RICTOR: variants seen among roughly 807,000 people sequenced by gnomAD.
RICTOR encodes the protein rapamycin-insensitive companion of mTOR.
RICTOR carries 49 observed loss-of-function variants against 214.9 expected under a neutral mutation model. The observed-to-expected ratio is 0.23, with a 90% CI of 0.18 to 0.29. The LOEUF is 0.29. RICTOR is among the 10% of genes least tolerant of loss of function. The probability of loss-of-function intolerance (pLI) is 1.00; values close to 1 mark genes in which losing one functional copy is unlikely to be tolerated. For synonymous variants in RICTOR, 717 were observed against 711.3 expected, an observed-to-expected ratio of 1.01 and a Z score of -0.13; for missense variants, 1,625 against 2,047.0, an observed-to-expected ratio of 0.79 and a Z score of 3.98.
intron 16 of RICTOR, among the ~76,000 whole-genome samples, chr5:38,964,466 TAAA>T (rs778242118): frequency 1.3e-5 from 2 of 151,292 alleles, no homozygotes; most frequent in Non-Finnish European, 3.0e-5. Flanking sequence ...TTCATAGACA[TAAA>T]AAAAAGAGCC....
chr5:38,987,054 T>C (rs951497190), intron 7 of RICTOR, among the ~76,000 whole-genome samples: 4 of 152,194 alleles, frequency 2.6e-5, no homozygotes, highest in African/African-American at 9.7e-5. Flanking sequence ...TGAACTAGCC[T>C]TGCATCCCAG....
chr5:39,025,685 A>G (rs997777134), intron 2 of RICTOR, among the ~76,000 whole-genome samples: 2 of 152,118 alleles, frequency 1.3e-5, no homozygotes, highest in African/African-American at 4.8e-5. Flanking sequence ...GTCTCCTCAC[A>G]TGGTGGGGAA....
intron 26 of RICTOR, 99 bp downstream of exon 26, chr5:38,955,496 T>C (rs1749176849): frequency 1.4e-6 from 1 of 710,332 alleles, no homozygotes; most frequent in Non-Finnish European, 2.5e-6. Flanking sequence ...GCATTAAGAT[T>C]CTTCCTATAT....
In RICTOR at chr5:38,940,947, A is replaced by G. The variant is rs1016926418; in HGVS notation, c.*1357T>C. 9.5e-5 allele frequency: 22 copies of G among 232,568 alleles called. No individual in the cohort carries two copies. The highest frequency in any genetic ancestry group is 1.5e-4 in the Non-Finnish European group (18 of 117,574). 14.4% of individuals were successfully genotyped at this position (232,568 alleles called of 1,614,324 possible). A position where few individuals can be genotyped will look rare whatever the true frequency, so the allele number is the denominator to read the frequency against. On this transcript the variant is annotated 3_prime_UTR_variant, in exon 38 of 38. Transcript: ENST00000357387. Reference sequence around the variant, plus strand: ...AAAAATGTTATACACAAATGAATTAAAAAAGAATCCTAATCAGTCCAGCTG... The same window carrying G: ...AAAAATGTTATACACAAATGAATTAGAAAAGAATCCTAATCAGTCCAGCTG...
chr5:38,982,982 G>T (rs947613833), intron 7 of RICTOR, among the ~76,000 whole-genome samples: 1 of 151,820 alleles, frequency 6.6e-6, no homozygotes, highest in Admixed American at 6.6e-5. Context: ...CTAAAATGAG[G>T]CATAATTACA....
In RICTOR at chr5:38,981,580, A is replaced by T. The variant is rs371619898; in HGVS notation, c.753+287T>A. ...TTAAAAACAAATGGTAATCTTAAAT[A>T]GGTAAATTTGTTACATAACTTTATT... On this transcript the variant is annotated intron_variant, in intron 8 of 37. Coordinates refer to ENST00000357387, the MANE Select transcript of RICTOR (RefSeq NM_152756.5). 1.6e-5 allele frequency: 4 copies of T among 253,828 alleles called. No homozygotes were observed. The South Asian group carries it at 3.6e-4, about 23-fold the overall frequency. 15.7% of individuals were successfully genotyped at this position (253,828 alleles called of 1,614,324 possible).
chr5:38,968,882 C>A (rs554230078), intron 11 of RICTOR, among the ~76,000 whole-genome samples: 2 of 151,350 alleles, frequency 1.3e-5, no homozygotes, highest in Non-Finnish European at 2.9e-5. Context: ...TCCAGACATA[C>A]AAGGTATGGA....
chr5:39,004,838 A>G (rs1753920086), intron 3 of RICTOR, among the ~76,000 whole-genome samples: 1 of 136,414 alleles, frequency 7.3e-6, no homozygotes, highest in Non-Finnish European at 1.5e-5. Context: ...CTGGAGCGCA[A>G]TGGTGCAATC....
At chr5:39,054,076 C>T (rs1306547340) in intron 2 of RICTOR, among the ~76,000 whole-genome samples, 1 of 151,702 alleles carries the variant, frequency 6.6e-6, no homozygotes, top group South Asian at 2.1e-4. Context: ...TGTGAGACTC[C>T]GTCTCAAAAA....
intron 27 of RICTOR, among the ~76,000 whole-genome samples, 172 bp from the exon 28 acceptor site, chr5:38,953,725 A>G (rs962138529): frequency 6.6e-5 from 10 of 151,836 alleles, no homozygotes; most frequent in Admixed American, 6.6e-4. Context: ...GGGGTTCTGA[A>G]TTCACATTCT....
In RICTOR at chr5:38,994,062, T is replaced by C. The variant is rs539012529; in HGVS notation, c.456+2757A>G. 6.5e-4 allele frequency among the ~76,000 whole-genome samples: 99 copies of C among 151,852 alleles called. 1 individual carries two copies. The South Asian group carries it at 0.012, about 19-fold the overall frequency. On this transcript the variant is annotated intron_variant, in intron 6 of 37. Coordinates refer to ENST00000357387, the MANE Select transcript of RICTOR (RefSeq NM_152756.5). ...AAAATTAGCAGGGCGTGGTGGCGGG[T>C]GCCTGTAGTCCCAGCTACTGGGGAG...
intron 8 of RICTOR, 125 bp from the exon 9 acceptor site, chr5:38,978,775 C>A: frequency 2.0e-6 from 1 of 494,132 alleles, no homozygotes; most frequent in Non-Finnish European, 3.5e-6. Flanking sequence ...GGACTTATTT[C>A]TTCTAACTCA....
chr5:38,952,550 G>T, intron 29 of RICTOR, 125 bp from the exon 30 acceptor site: 1 of 438,052 alleles, frequency 2.3e-6, no homozygotes, highest in Non-Finnish European at 3.6e-6. Flanking sequence ...GGTTGCGTTT[G>T]TGGAAAAAAA....
At chr5:38,956,378 G>C (rs1018043362) in intron 25 of RICTOR, among the ~76,000 whole-genome samples, 2 of 151,912 alleles carry the variant, frequency 1.3e-5, no homozygotes, top group Non-Finnish European at 2.9e-5. Context: ...TATGGCTTAC[G>C]AGGCCTTTTA....
At chr5:39,026,331 G>A (rs952142220) in intron 2 of RICTOR, among the ~76,000 whole-genome samples, 4 of 151,966 alleles carry the variant, frequency 2.6e-5, no homozygotes, top group Non-Finnish European at 5.9e-5. Flanking sequence ...GCAACAGACA[G>A]TGCAAGACCC....
intron 3 of RICTOR, among the ~76,000 whole-genome samples, chr5:39,009,414 G>A (rs1754321110): frequency 6.6e-6 from 1 of 152,108 alleles, no homozygotes. Flanking sequence ...AGAGAGGTGT[G>A]TCATTTTCTG....
rs188621220 is a variant in RICTOR, at chr5:38,947,171, C to T, written c.4314+93G>A. 7.0e-5 allele frequency: 60 copies of T among 856,816 alleles called. No individual in the cohort carries two copies. In the East Asian group the frequency reaches 1.5e-3, roughly 21 times the overall value. 53.1% of individuals were successfully genotyped at this position (856,816 alleles called of 1,614,324 possible). On this transcript the variant is annotated intron_variant, in intron 32 of 37. Transcript: ENST00000357387. ...AAAATCATGCTGCCCCAAACTGGTG[C>T]CCACCCTAAATTATGATTTCTAGTA... is the stretch of plus-strand genomic sequence containing the variant.
chr5:38,990,523 T>TATATACACGATATATACACGATATATAC (rs141086118), intron 7 of RICTOR, among the ~76,000 whole-genome samples: 2,193 of 129,772 alleles, frequency 0.017, 110 homozygotes, highest in African/African-American at 0.06. Context: ...ACGATATATA[T>TATATACACGATATATACACGATATATAC]ACGATATATA....
intron 3 of RICTOR, among the ~76,000 whole-genome samples, chr5:39,015,627 T>C (rs972836153): frequency 6.6e-6 from 1 of 151,948 alleles, no homozygotes; most frequent in African/African-American, 2.4e-5. Flanking sequence ...CAAATAATCA[T>C]CTGGCTCAAT....
Sources: gnomAD v4.1 joint callset for allele counts (sites outside exome capture counted in the v4.1 genomes callset) on GRCh38, gnomAD v4.1.1 for gene constraint, MANE v1.5 for transcripts, NCBI Gene and HGNC (gene_info 2026-07-23, HGNC 2026-07-21) for gene names.